Variants in CHODL observed in about 807,000 individuals in gnomAD.
CHODL encodes the protein transmembrane protein MT75.
CHODL carries 29 observed loss-of-function variants against 34.5 expected under a neutral mutation model. The ratio of observed to expected loss-of-function variants is 0.84; its 90% CI spans 0.63 to 1.15. The LOEUF (loss-of-function observed/expected upper bound fraction) is 1.15. Among genes scored for constraint, CHODL ranks in the 50% most tolerant of loss-of-function variants. CHODL has a pLI of 0.00. For missense variants in CHODL, 332 were observed against 332.5 expected (o/e 1.00, Z 0.01); for synonymous variants, 125 against 116.1 (o/e 1.08, Z -0.49).
intron 2 of CHODL, among the ~76,000 whole-genome samples, chr21:18,030,282 G>T (rs1481449113): frequency 6.6e-6 from 1 of 152,160 alleles, no homozygotes; most frequent in Non-Finnish European, 1.5e-5. Flanking sequence ...GACCTGCATG[G>T]CAAGGAACTA....
At chr21:17,999,951 A>C (rs2063890041) in intron 1 of CHODL, among the ~76,000 whole-genome samples, 1 of 152,170 alleles carries the variant, frequency 6.6e-6, no homozygotes, top group African/African-American at 2.4e-5. Context: ...CATGCTCAAG[A>C]TGAGGAGAGA....
At chr21:18,121,970 T>C (rs1291983277) in intron 2 of CHODL, among the ~76,000 whole-genome samples, 1 of 152,164 alleles carries the variant, frequency 6.6e-6, no homozygotes, top group African/African-American at 2.4e-5. Context: ...GCCAGGCACT[T>C]TGTAAATGCT....
chr21:18,092,843 C>A (rs1293806060), intron 2 of CHODL, among the ~76,000 whole-genome samples: 1 of 152,080 alleles, frequency 6.6e-6, no homozygotes, highest in Non-Finnish European at 1.5e-5. Context: ...CTCAAAAGGT[C>A]AAACCATAGA....
chr21:18,163,910 G>C (rs2073125299), intron 2 of CHODL, among the ~76,000 whole-genome samples: 1 of 152,092 alleles, frequency 6.6e-6, no homozygotes, highest in Non-Finnish European at 1.5e-5. Flanking sequence ...TGTGATTAAT[G>C]CTTAAAAAAA....
chr21:17,939,130 T>C (rs1249644566), intron 1 of CHODL, among the ~76,000 whole-genome samples: 4 of 152,214 alleles, frequency 2.6e-5, no homozygotes, highest in Non-Finnish European at 5.9e-5. Flanking sequence ...TTTCTAAGTG[T>C]ATAATACATT....
Position 17,919,268 on chromosome 21 carries a change from C to T in CHODL, c.-145+1868C>T, listed in dbSNP as rs537520394. Among the ~76,000 whole-genome samples, 66 of 152,322 alleles carry T rather than the reference C, an allele frequency of 4.3e-4. 3 individuals carry two copies. The South Asian group carries it at 0.013, about 30-fold the overall frequency. On this transcript the variant is annotated intron_variant, in intron 1 of 6. Coordinates refer to the CHODL transcript ENST00000400127. ...GACCCCACATTTCCCTTCTGTACTG[C>T]CCTAGCAGAGGTTCTCCATGAGCAC...
chr21:17,977,364 C>A (rs990114776), intron 1 of CHODL, among the ~76,000 whole-genome samples: 14 of 134,138 alleles, frequency 1.0e-4, no homozygotes, highest in African/African-American at 3.6e-4. Flanking sequence ...GGCTGTTTTA[C>A]TTTTTTTTTT....
chr21:18,188,715 C>T (rs1339212096), intron 2 of CHODL, among the ~76,000 whole-genome samples: 1 of 152,162 alleles, frequency 6.6e-6, no homozygotes, highest in Non-Finnish European at 1.5e-5. Flanking sequence ...GTTATGGACA[C>T]CCAACTTTCA....
At position 18,084,990 on chromosome 21, in the gene CHODL, G is replaced by A. The variant is rs191970040; in HGVS notation, c.-45+57019G>A. ...CTGAGTGCTCCAATGTTGGGTGCAT[G>A]TACACTTAGAATTATTAGAATCTGT... On this transcript the variant is annotated intron_variant, in intron 2 of 6. Coordinates refer to the CHODL transcript ENST00000400127. Among the ~76,000 whole-genome samples the A allele has an allele frequency of 2.9e-3, 432 of 150,638 alleles. 8 individuals are homozygous for A. Among genetic ancestry groups the A allele is most frequent in the Admixed American group, 0.027 (405 of 15,084 alleles).
chr21:18,093,991 T>G (rs2065107103), intron 2 of CHODL, among the ~76,000 whole-genome samples: 1 of 151,944 alleles, frequency 6.6e-6, no homozygotes, highest in Non-Finnish European at 1.5e-5. Context: ...ACTTCACCTA[T>G]AAAGATACAC....
intron 2 of CHODL, among the ~76,000 whole-genome samples, chr21:18,086,695 T>C (rs983058278): frequency 4.6e-5 from 7 of 152,178 alleles, no homozygotes; most frequent in Non-Finnish European, 8.8e-5. Context: ...CTGGGAACTT[T>C]ATCACCAACT....
chr21:18,253,877 C>T lies in CHODL; in HGVS notation c.80-2632C>T, dbSNP rs955719467. On this transcript the variant is annotated intron_variant, in intron 1 of 5. Transcript: ENST00000299295. ...TGCTGCTGGGTCCAGATCACGGTCACGAAACAGAGGGAACAACTCTTGGCT... is the reference window on the plus strand; with the variant it reads ...TGCTGCTGGGTCCAGATCACGGTCATGAAACAGAGGGAACAACTCTTGGCT... Among the ~76,000 whole-genome samples the T allele has an allele frequency of 9.2e-5, 14 of 152,092 alleles. No individual in the cohort carries two copies. In the East Asian group the frequency reaches 1.2e-3, roughly 13 times the overall value.
At chr21:18,223,784 A>G (rs1368309861) in intron 2 of CHODL, among the ~76,000 whole-genome samples, 1 of 151,748 alleles carries the variant, frequency 6.6e-6, no homozygotes, top group African/African-American at 2.4e-5. Flanking sequence ...AAAGCCACTG[A>G]AATATAAGGG....
At chr21:17,941,897 C>T (rs1002217695) in intron 1 of CHODL, among the ~76,000 whole-genome samples, 8 of 151,868 alleles carry the variant, frequency 5.3e-5, no homozygotes, top group African/African-American at 1.9e-4. Flanking sequence ...TGCACCTTTA[C>T]ATTGGTGGAA....
At chr21:18,156,439 G>A (rs2073035946) in intron 2 of CHODL, among the ~76,000 whole-genome samples, 2 of 151,964 alleles carry the variant, frequency 1.3e-5, no homozygotes, top group African/African-American at 4.8e-5. Context: ...CACATATATA[G>A]TTATCATTTG....
At chr21:17,935,189 T>A (rs546563604) in intron 1 of CHODL, among the ~76,000 whole-genome samples, 2 of 152,364 alleles carry the variant, frequency 1.3e-5, no homozygotes, top group East Asian at 3.9e-4. Context: ...CTTGAGGGTT[T>A]CATATATGGC....
At chr21:18,036,756 C>CT (rs994999552) in intron 2 of CHODL, among the ~76,000 whole-genome samples, 9 of 151,668 alleles carry the variant, frequency 5.9e-5, no homozygotes, top group East Asian at 5.8e-4. Flanking sequence ...TAAAATTAAA[C>CT]TTTTTTTTGA....
intron 2 of CHODL, among the ~76,000 whole-genome samples, chr21:18,063,177 C>T (rs73310409): frequency 0.016 from 2,391 of 152,204 alleles, 68 homozygotes; most frequent in African/African-American, 0.054. Flanking sequence ...GATAATATCA[C>T]TGTGTTTATC....
Position 17,980,221 on chromosome 21 carries a change from T to A in CHODL, c.-144-47651T>A, listed in dbSNP as rs376040121. 3.9e-5 allele frequency among the ~76,000 whole-genome samples: 6 copies of A among 152,102 alleles called. No homozygotes were observed. The East Asian group carries it at 1.2e-3, about 29-fold the overall frequency. On this transcript the variant is annotated intron_variant, in intron 1 of 6. Coordinates refer to the CHODL transcript ENST00000400127. ...TGGATCCAGTTTCTCCCTAAGCATGTCCTCAGAGCTTTTGGGCATTTATTT... is the reference window on the plus strand; with the variant it reads ...TGGATCCAGTTTCTCCCTAAGCATGACCTCAGAGCTTTTGGGCATTTATTT...
Sources: gnomAD v4.1 joint callset for allele counts (sites outside exome capture counted in the v4.1 genomes callset) on GRCh38, gnomAD v4.1.1 for gene constraint, MANE v1.5 for transcripts, NCBI Gene and HGNC (gene_info 2026-07-23, HGNC 2026-07-21) for gene names.